The following CACNA1D variants were observed in gnomAD, a reference collection of about 807,000 sequenced individuals.
The protein encoded by CACNA1D is voltage-dependent L-type calcium channel subunit alpha-1D.
In CACNA1D, 55 loss-of-function variants were observed where a neutral mutation model predicts 257.1. That is an observed-to-expected ratio of 0.21 (90% CI 0.17 to 0.27). The LOEUF (loss-of-function observed/expected upper bound fraction) is 0.27, where lower values mean the gene tolerates loss of function less well. Ranked by LOEUF, CACNA1D falls within the 10% of genes least tolerant of loss-of-function variation. The probability of loss-of-function intolerance (pLI) is 1.00; values close to 1 mark genes in which losing one functional copy is unlikely to be tolerated. For missense variants in CACNA1D, 1,876 were observed against 2,784.0 expected (o/e 0.67, Z 7.34); for synonymous variants, 980 against 1,014.9 (o/e 0.97, Z 0.65).
At chr3:53,740,729 T>A (rs1240417871) in intron 21 of CACNA1D, among the ~76,000 whole-genome samples, 1 of 152,120 alleles carries the variant, frequency 6.6e-6, no homozygotes, top group Non-Finnish European at 1.5e-5. Context: ...GAGAATTACA[T>A]TTTGCTCATT....
chr3:53,713,632 A>G (rs1009377212), intron 9 of CACNA1D, among the ~76,000 whole-genome samples: 1 of 152,042 alleles, frequency 6.6e-6, no homozygotes, highest in Non-Finnish European at 1.5e-5. Context: ...ATAAATGTCT[A>G]CACCTTGGTG....
At chr3:53,779,999 C>T (rs749027455) in intron 37 of CACNA1D, 27 bp from the exon 38 acceptor site, 2 of 1,510,006 alleles carry the variant, frequency 1.3e-6, no homozygotes, top group Admixed American at 1.7e-5. Context: ...TTGCATTCTA[C>T]AAAGAAACCT....
chr3:53,738,729 A>G (rs928111060), intron 20 of CACNA1D, among the ~76,000 whole-genome samples: 2 of 152,052 alleles, frequency 1.3e-5, no homozygotes, highest in African/African-American at 2.4e-5. Flanking sequence ...AGTGTTTTGT[A>G]TGTTTTTTAA....
chr3:53,539,086 T>C (rs2107508561), intron 3 of CACNA1D, among the ~76,000 whole-genome samples: 1 of 152,240 alleles, frequency 6.6e-6, no homozygotes, highest in South Asian at 2.1e-4. Context: ...TTTATTTAAA[T>C]GGATCATGCT....
chr3:53,514,539 T>G (rs989910028), intron 3 of CACNA1D, among the ~76,000 whole-genome samples: 2 of 152,194 alleles, frequency 1.3e-5, no homozygotes, highest in African/African-American at 4.8e-5. Context: ...AAGCCCTTTC[T>G]GCATCTGCTC....
chr3:53,543,246 C>T (rs1055991310), intron 3 of CACNA1D, among the ~76,000 whole-genome samples: 2 of 152,094 alleles, frequency 1.3e-5, no homozygotes, highest in African/African-American at 4.8e-5. Flanking sequence ...TCCCCTAACC[C>T]TTTTAACTCA....
chr3:53,787,425 CTGTGTGTGTG>C (rs3217446), intron 40 of CACNA1D, among the ~76,000 whole-genome samples: 2 of 136,150 alleles, frequency 1.5e-5, no homozygotes, highest in South Asian at 2.3e-4. Flanking sequence ...AGTATGTATT[CTGTGTGTGTG>C]TGTGTGTGTG....
chr3:53,599,727 CT>C (rs1298747444), intron 3 of CACNA1D, among the ~76,000 whole-genome samples: 2 of 152,206 alleles, frequency 1.3e-5, no homozygotes, highest in African/African-American at 4.8e-5. Context: ...GGAATTCTTA[CT>C]AATTTGTACC....
At chr3:53,597,140 A>G (rs903418602) in intron 3 of CACNA1D, among the ~76,000 whole-genome samples, 1 of 152,236 alleles carries the variant, frequency 6.6e-6, no homozygotes, top group Non-Finnish European at 1.5e-5. Context: ...TCTTTTAGTC[A>G]TTCAAGTATT....
intron 3 of CACNA1D, among the ~76,000 whole-genome samples, chr3:53,519,540 C>T (rs770838700): frequency 1.3e-5 from 2 of 152,078 alleles, no homozygotes; most frequent in Non-Finnish European, 2.9e-5. Flanking sequence ...GTCACTGGCA[C>T]CTGGCATTGG....
intron 9 of CACNA1D, 68 bp from the exon 10 acceptor site, chr3:53,718,233 C>CA: frequency 7.2e-7 from 1 of 1,385,920 alleles, no homozygotes; most frequent in Non-Finnish European, 1.0e-6. Flanking sequence ...CAGAGGCTCC[C>CA]ACCTGGCCTG....
intron 3 of CACNA1D, among the ~76,000 whole-genome samples, chr3:53,502,883 T>C (rs1419063404): frequency 6.6e-6 from 1 of 152,174 alleles, no homozygotes; most frequent in Non-Finnish European, 1.5e-5. Flanking sequence ...CTCTATTGTT[T>C]TTCTTCTCTT....
chr3:53,754,011 C>T (rs1213834620), intron 29 of CACNA1D, among the ~76,000 whole-genome samples: 4 of 152,232 alleles, frequency 2.6e-5, no homozygotes, highest in Admixed American at 6.5e-5. Context: ...TGCCTCATTA[C>T]TTGAGCACTA....
At chr3:53,770,048 G>T in intron 31 of CACNA1D, 31 bp downstream of exon 31, 1 of 1,572,094 alleles carries the variant, frequency 6.4e-7, no homozygotes, top group Middle Eastern at 1.7e-4. Context: ...CCAGGGGCTG[G>T]GCCTTTTCCT....
rs754161736 is a variant in CACNA1D, at chr3:53,802,152, G to C, written c.5414G>C (p.Arg1805Pro). Residue 1805 changes from arginine (R) to proline (P), a missense_variant, in exon 43 of 48, where the codon CGC becomes CCC. Coordinates refer to ENST00000350061, the MANE Select transcript of CACNA1D (RefSeq NM_001128840.3). ...GTTATGCCTTTCCTGGATAGAACCC[G>C]CTATTATGAAACTTACATTAGGTAT... The part of the protein sequence containing the change: ...PQRRSSVKRT[R>P]YYETYIRSDS... The C allele has an allele frequency of 6.2e-7, 1 of 1,608,190 alleles. No individual in the cohort carries two copies. The highest frequency in any genetic ancestry group is 8.5e-7 in the Non-Finnish European group (1 of 1,174,668).
chr3:53,788,282 C>T (rs1307963536), intron 40 of CACNA1D, among the ~76,000 whole-genome samples: 2 of 152,060 alleles, frequency 1.3e-5, no homozygotes, highest in African/African-American at 2.4e-5. Flanking sequence ...GAGGCATATG[C>T]GGGTTGGCAG....
chr3:53,751,707 A>G lies in CACNA1D; in HGVS notation c.3517-42A>G, dbSNP rs775696543. 3.7e-6 allele frequency: 6 copies of G among 1,611,954 alleles called. No homozygotes were observed. Among genetic ancestry groups the G allele is most frequent in the Non-Finnish European group, 4.2e-6 (5 of 1,178,210 alleles). On this transcript the variant is annotated intron_variant, in intron 27 of 47. Coordinates refer to ENST00000350061, the MANE Select transcript of CACNA1D (RefSeq NM_001128840.3). This position sits in a 1 kb window ranked among gnomAD's most constrained non-coding sequence, Gnocchi z 4.3. ...TGACCACGGGGTCCTCCTTCCCTGCAAGTGCTCAGAACCCCGTTTCTGCCC... is the reference window on the plus strand; with the variant it reads ...TGACCACGGGGTCCTCCTTCCCTGCGAGTGCTCAGAACCCCGTTTCTGCCC...
At chr3:53,507,647 G>T (rs138297119) in intron 3 of CACNA1D, among the ~76,000 whole-genome samples, 19 of 152,148 alleles carry the variant, frequency 1.2e-4, no homozygotes, top group African/African-American at 4.1e-4. Context: ...AAGAATTTAG[G>T]TTTTTTACTA....
intron 3 of CACNA1D, among the ~76,000 whole-genome samples, chr3:53,541,773 T>A (rs1456657479): frequency 6.6e-6 from 1 of 152,202 alleles, no homozygotes; most frequent in East Asian, 1.9e-4. Context: ...ACTGTTTGTC[T>A]TCAAGCAGAT....
Sources: allele counts gnomAD v4.1 joint callset (sites outside exome capture counted in the v4.1 genomes callset), GRCh38; gene constraint gnomAD v4.1.1; non-coding constraint Gnocchi (gnomAD v3.1); transcripts MANE v1.5; gene names NCBI Gene and HGNC (gene_info 2026-07-23, HGNC 2026-07-21).